CRTAC1: variants seen among roughly 807,000 people sequenced by gnomAD.
The protein encoded by CRTAC1 is acidic secreted protein in cartilage.
Under a neutral mutation model 67.8 loss-of-function variants are expected in CRTAC1, and 37 were observed. The ratio of observed to expected loss-of-function variants is 0.55; its 90% confidence interval spans 0.42 to 0.72. The LOEUF (loss-of-function observed/expected upper bound fraction) is 0.72. Among genes scored for constraint, CRTAC1 ranks in the 30% least tolerant of loss-of-function variants. The pLI is 0.00. For synonymous variants in CRTAC1, 348 were observed against 371.0 expected, an observed-to-expected ratio of 0.94 and a Z score of 0.71; for missense variants, 780 against 931.6, an observed-to-expected ratio of 0.84 and a Z score of 2.12.
Position 97,936,360 on chromosome 10 carries a change from A to G in CRTAC1, c.231T>C (p.Asn77=). Residue 77 remains asparagine, a synonymous_variant, in exon 3 of 15, where the codon AAT becomes AAC. Transcript: ENST00000370597. Reference sequence around the variant, plus strand: ...CATACTTCAGAACCAGGTTGGGTCCATTGTACCTGGAGGAGGAATGGGGAG... The same window carrying G: ...CATACTTCAGAACCAGGTTGGGTCCGTTGTACCTGGAGGAGGAATGGGGAG... ...GDFEIVVAGY[N]GPNLVLKYDR... 6.2e-7 allele frequency: 1 copy of G among 1,607,930 alleles called. No individual in the cohort carries two copies. Among genetic ancestry groups the G allele is most frequent in the Non-Finnish European group, 8.5e-7 (1 of 1,175,364 alleles).
chr10:97,944,745 C>G (rs1023364715), intron 2 of CRTAC1, among the ~76,000 whole-genome samples: 2 of 150,958 alleles, frequency 1.3e-5, no homozygotes, highest in South Asian at 4.1e-4. Flanking sequence ...CTGCAAGGGG[C>G]CCAGTAGCTT....
intron 1 of CRTAC1, among the ~76,000 whole-genome samples, chr10:98,013,546 C>T (rs978662628): frequency 7.9e-5 from 12 of 152,216 alleles, no homozygotes; most frequent in African/African-American, 2.9e-4. Context: ...CACCCATTGG[C>T]TGACCTCTAT....
chr10:97,879,315 C>T (rs1235000837), intron 14 of CRTAC1, among the ~76,000 whole-genome samples: 2 of 152,254 alleles, frequency 1.3e-5, no homozygotes, highest in South Asian at 4.1e-4. Context: ...GGTACATTAT[C>T]GGATCAACCG....
intron 3 of CRTAC1, among the ~76,000 whole-genome samples, chr10:97,931,983 A>G (rs920836172): frequency 1.2e-4 from 19 of 152,130 alleles, no homozygotes; most frequent in Admixed American, 4.6e-4. Context: ...GATGCTACTC[A>G]GTGGCTTGTA....
intron 2 of CRTAC1, among the ~76,000 whole-genome samples, chr10:97,977,196 A>C (rs537775951): frequency 6.6e-6 from 1 of 152,200 alleles, no homozygotes; most frequent in Non-Finnish European, 1.5e-5. Flanking sequence ...GGCCCAGGGT[A>C]ATTGATAAAG....
intron 8 of CRTAC1, 50 bp downstream of exon 8, chr10:97,901,453 C>T (rs756073718): frequency 2.5e-6 from 4 of 1,612,266 alleles, no homozygotes; most frequent in Admixed American, 3.3e-5. Context: ...GACCGTTCCT[C>T]CCACCAGCTG....
At chr10:97,875,868 CCCTCAGAATGGCA>C (rs2050141358) in intron 14 of CRTAC1, 1 of 152,208 alleles carries the variant, frequency 6.6e-6, no homozygotes, top group African/African-American at 2.4e-5. Context: ...AAACTCCTGG[CCCTCAGAATGGCA>C]CCTTCCCAGA....
intron 13 of CRTAC1, 37 bp from the exon 14 acceptor site, chr10:97,880,429 G>C: frequency 6.2e-7 from 1 of 1,602,144 alleles, no homozygotes; most frequent in Non-Finnish European, 8.5e-7. Flanking sequence ...ATGAAGGTGT[G>C]GGGCAGCAAG....
At position 97,895,246 on chromosome 10, in the gene CRTAC1, C is replaced by T. The variant is rs2050439750; in HGVS notation, c.1485G>A (p.Leu495=). Residue 495 remains leucine, a splice_region_variant and synonymous_variant, in exon 11 of 15, where the codon CTG becomes CTA. Transcript: ENST00000370597. This position sits in a 1 kb window ranked among gnomAD's most constrained non-coding sequence, Gnocchi z 4.2. ...CEMEPVAHFG[L]GKDEASSVEV... is the part of the protein sequence containing the mutation. ...GTCCCCCACCGGACCCCGACTCACC[C>T]AGGCCAAAGTGTGCCACGGGCTCCA... 1.9e-6 allele frequency: 3 copies of T among 1,610,256 alleles called. No individual in the cohort carries two copies. Among genetic ancestry groups the T allele is most frequent in the Admixed American group, 1.7e-5 (1 of 59,990 alleles).
chr10:97,951,209 T>C (rs2051350734), intron 2 of CRTAC1, among the ~76,000 whole-genome samples: 1 of 152,210 alleles, frequency 6.6e-6, no homozygotes, highest in African/African-American at 2.4e-5. Flanking sequence ...GGATATCCCA[T>C]CCCAGTGGCA....
At chr10:97,885,663 G>A (rs2136543241) in intron 11 of CRTAC1, among the ~76,000 whole-genome samples, 1 of 152,306 alleles carries the variant, frequency 6.6e-6, no homozygotes, top group Non-Finnish European at 1.5e-5. Flanking sequence ...GGCGGGGGCT[G>A]GGCCTCACCT....
chr10:98,016,287 G>A (rs937837468), intron 1 of CRTAC1, among the ~76,000 whole-genome samples: 16 of 152,234 alleles, frequency 1.1e-4, no homozygotes, highest in African/African-American at 3.9e-4. Flanking sequence ...AACCATCATA[G>A]TGCCTGGTAC....
chr10:98,004,292 A>G (rs1397610823), intron 2 of CRTAC1, among the ~76,000 whole-genome samples: 2 of 152,208 alleles, frequency 1.3e-5, no homozygotes, highest in African/African-American at 4.8e-5. Context: ...AAGTTCCTCA[A>G]TTCAGTTTTA....
At chr10:97,936,414 A>G (rs1403874890) in intron 2 of CRTAC1, 48 bp from the exon 3 acceptor site, 1 of 1,491,088 alleles carries the variant, frequency 6.7e-7, no homozygotes, top group Non-Finnish European at 9.2e-7. Flanking sequence ...CGCTGGGCCC[A>G]CCCAGTCCCA....
At chr10:97,936,464 C>A in intron 2 of CRTAC1, 98 bp from the exon 3 acceptor site, 1 of 974,194 alleles carries the variant, frequency 1.0e-6, no homozygotes, top group South Asian at 1.6e-5. Context: ...CCCGGACACG[C>A]CATGGGGCAA....
intron 1 of CRTAC1, among the ~76,000 whole-genome samples, chr10:98,019,296 A>G (rs572920257): frequency 6.6e-6 from 1 of 152,188 alleles, no homozygotes; most frequent in East Asian, 1.9e-4. Flanking sequence ...GGCAGCACCC[A>G]TTTCCCCACA....
At chr10:97,943,049 G>A (rs2051201815) in intron 2 of CRTAC1, among the ~76,000 whole-genome samples, 2 of 151,994 alleles carry the variant, frequency 1.3e-5, no homozygotes, top group African/African-American at 2.4e-5. Flanking sequence ...TCCAGCCTGG[G>A]CAACAGAGCA....
intron 2 of CRTAC1, among the ~76,000 whole-genome samples, chr10:97,974,160 T>G (rs2051759965): frequency 6.6e-6 from 1 of 151,820 alleles, no homozygotes; most frequent in Admixed American, 6.6e-5. Flanking sequence ...GGAGGAGGCG[T>G]TTTCTCTTAA....
At chr10:97,901,049 ACCCC>A (rs1419754758) in intron 8 of CRTAC1, among the ~76,000 whole-genome samples, 1,652 of 129,600 alleles carry the variant, frequency 0.013, 27 homozygotes, top group African/African-American at 0.045. Flanking sequence ...TAGTGATTGG[ACCCC>A]GTAGCCCCTT....
Sources: gnomAD v4.1 joint callset for allele counts (sites outside exome capture counted in the v4.1 genomes callset) on GRCh38, gnomAD v4.1.1 for gene constraint, Gnocchi (gnomAD v3.1) non-coding constraint, MANE v1.5 for transcripts, NCBI Gene and HGNC (gene_info 2026-07-23, HGNC 2026-07-21) for gene names.